LRRK2: variants seen among roughly 807,000 people sequenced by gnomAD.
LRRK2 encodes leucine rich repeat kinase 2.
A neutral mutation model predicts 302.6 loss-of-function variants in LRRK2; 203 were observed. That is an observed-to-expected ratio of 0.67 (90% confidence interval 0.60 to 0.75). The LOEUF (loss-of-function observed/expected upper bound fraction) is 0.75, where lower values mean the gene tolerates loss of function less well. Among genes scored for constraint, LRRK2 ranks in the 30% least tolerant of loss-of-function variants. LRRK2 has a pLI of 0.00. For synonymous variants in LRRK2, 1,066 were observed against 1,031.9 expected, an observed-to-expected ratio of 1.03 and a Z score of -0.63; for missense variants, 2,830 against 2,951.0, an observed-to-expected ratio of 0.96 and a Z score of 0.95.
At chr12:40,248,127 T>C (rs1942091463) in intron 7 of LRRK2, among the ~76,000 whole-genome samples, 1 of 152,174 alleles carries the variant, frequency 6.6e-6, no homozygotes, top group South Asian at 2.1e-4. Context: ...TAATTCAAAG[T>C]CGATTTCTTA....
intron 7 of LRRK2, among the ~76,000 whole-genome samples, chr12:40,247,695 TACATATTTATACACA>T (rs1942068728): frequency 1.8e-5 from 1 of 55,060 alleles, no homozygotes; most frequent in Admixed American, 2.5e-4. Context: ...TATATAAATA[TACATATTTATACACA>T]GATGTATATA....
At position 40,304,154 on chromosome 12, in the gene LRRK2, T is replaced by C. The variant is rs1489116918; in HGVS notation, c.3777+20T>C. On this transcript the variant is annotated intron_variant, in intron 27 of 50. Coordinates refer to ENST00000298910, the MANE Select transcript of LRRK2 (RefSeq NM_198578.4). ...AAAGAGGTAAGACGATTATTGCCAC[T>C]TAAAAAATATACTTTATGATTTGCA... is the stretch of plus-strand genomic sequence containing the variant. 1 of 1,604,562 alleles carries C rather than the reference T, an allele frequency of 6.2e-7. No homozygotes were observed. Among genetic ancestry groups the C allele is most frequent in the Non-Finnish European group, 8.5e-7 (1 of 1,172,748 alleles).
intron 32 of LRRK2, 150 bp downstream of exon 32, chr12:40,314,323 A>G: frequency 1.3e-6 from 1 of 782,976 alleles, no homozygotes; most frequent in East Asian, 2.7e-5. Context: ...TTGGAAGATC[A>G]TCATGTGTGT....
intron 39 of LRRK2, among the ~76,000 whole-genome samples, chr12:40,331,525 G>A (rs1181257573): frequency 6.6e-6 from 1 of 151,964 alleles, no homozygotes; most frequent in Non-Finnish European, 1.5e-5. Context: ...GGCCGTATTG[G>A]AAGAAGAATT....
At chr12:40,232,137 A>G in intron 2 of LRRK2, 137 bp from the exon 3 acceptor site, 3 of 703,240 alleles carry the variant, frequency 4.3e-6, no homozygotes, top group Non-Finnish European at 7.6e-6. Context: ...ATTTTAGGGT[A>G]TCATTTTGTT....
intron 5 of LRRK2, 129 bp downstream of exon 5, chr12:40,238,232 T>A: frequency 1.1e-6 from 1 of 938,788 alleles, no homozygotes; most frequent in South Asian, 1.6e-5. Context: ...GTGGGAGTTG[T>A]CTGTCAAGGG....
chr12:40,279,060 C>G (rs1257947364), intron 18 of LRRK2, among the ~76,000 whole-genome samples: 1 of 151,170 alleles, frequency 6.6e-6, no homozygotes, highest in Non-Finnish European at 1.5e-5. Flanking sequence ...GCTTATATTT[C>G]AGATTTGTAT....
intron 46 of LRRK2, among the ~76,000 whole-genome samples, 185 bp from the exon 47 acceptor site, chr12:40,359,075 T>C (rs183351954): frequency 2.5e-4 from 38 of 152,268 alleles, no homozygotes; most frequent in African/African-American, 8.4e-4. Flanking sequence ...TTTTGAATCC[T>C]TTACTATACT....
chr12:40,247,399 A>G (rs1206116666), intron 7 of LRRK2, among the ~76,000 whole-genome samples: 1 of 146,616 alleles, frequency 6.8e-6, no homozygotes, highest in Non-Finnish European at 1.5e-5. Flanking sequence ...CAAAGTGTAT[A>G]TATATACTCA....
At chr12:40,285,644 A>G (rs1413069946) in intron 19 of LRRK2, among the ~76,000 whole-genome samples, 1 of 152,084 alleles carries the variant, frequency 6.6e-6, no homozygotes, top group Non-Finnish European at 1.5e-5. Context: ...ACATTAAAAC[A>G]TTGTTTATAA....
chr12:40,264,335 C>A (rs1942911057), intron 14 of LRRK2, among the ~76,000 whole-genome samples: 1 of 152,096 alleles, frequency 6.6e-6, no homozygotes, highest in Non-Finnish European at 1.5e-5. Flanking sequence ...ACAGTAAAGT[C>A]TTCGGCTGGG....
chr12:40,235,960 C>T (rs1307320821), intron 4 of LRRK2, among the ~76,000 whole-genome samples: 1 of 151,886 alleles, frequency 6.6e-6, no homozygotes, highest in Non-Finnish European at 1.5e-5. Context: ...TCTCTTTTCT[C>T]TATACTTTGC....
Position 40,315,309 on chromosome 12 carries a change from C to A in LRRK2, c.4827+9C>A, listed in dbSNP as rs113735323. On this transcript the variant is annotated intron_variant, in intron 33 of 50. Coordinates refer to ENST00000298910, the MANE Select transcript of LRRK2 (RefSeq NM_198578.4). ...GTAAAATCATGGCACAGGTTGGTGTCTTTTATTTTTGTGGCACGGGGGTTA... is the reference window on the plus strand; with the variant it reads ...GTAAAATCATGGCACAGGTTGGTGTATTTTATTTTTGTGGCACGGGGGTTA... 1.6e-4 allele frequency: 253 copies of A among 1,608,760 alleles called. 1 individual carries two copies. In the African/African-American group the frequency reaches 2.9e-3, roughly 18 times the overall value.
At chr12:40,350,181 T>G (rs1030984146) in intron 43 of LRRK2, among the ~76,000 whole-genome samples, 8 of 152,228 alleles carry the variant, frequency 5.3e-5, no homozygotes, top group Admixed American at 4.6e-4. Context: ...GGTCCCAGCT[T>G]TATAGGTACA....
chr12:40,328,280 T>C (rs532004042), intron 38 of LRRK2, 80 bp from the exon 39 acceptor site: 2 of 1,074,678 alleles, frequency 1.9e-6, no homozygotes, highest in African/African-American at 3.2e-5. Flanking sequence ...ACAACAGATA[T>C]AATTACAACA....
At chr12:40,348,604 A>G in intron 43 of LRRK2, 95 bp downstream of exon 43, 1 of 786,106 alleles carries the variant, frequency 1.3e-6, no homozygotes, top group Non-Finnish European at 2.1e-6. Flanking sequence ...AAACACATAA[A>G]CACACAGAGA....
At chr12:40,346,531 A>G (rs1364173951) in intron 41 of LRRK2, among the ~76,000 whole-genome samples, 1 of 152,198 alleles carries the variant, frequency 6.6e-6, no homozygotes, top group Non-Finnish European at 1.5e-5. Context: ...ATAAAGATTG[A>G]AGGATTTTAT....
intron 11 of LRRK2, 72 bp from the exon 12 acceptor site, chr12:40,257,176 T>C (rs1942556669): frequency 8.8e-7 from 1 of 1,137,340 alleles, no homozygotes; most frequent in South Asian, 1.3e-5. Context: ...ACTATATTAA[T>C]ATTCTAAAGC....
At chr12:40,314,953 T>C (rs1054330813) in intron 32 of LRRK2, among the ~76,000 whole-genome samples, 1 of 152,114 alleles carries the variant, frequency 6.6e-6, no homozygotes. Flanking sequence ...TTTCTACTTA[T>C]GTGTGAAATA....
Sources: allele counts gnomAD v4.1 joint callset (sites outside exome capture counted in the v4.1 genomes callset), GRCh38; gene constraint gnomAD v4.1.1; transcripts MANE v1.5; gene names NCBI Gene and HGNC (gene_info 2026-07-23, HGNC 2026-07-21).